The following UNC5A variants were observed in gnomAD, a reference collection of about 807,000 sequenced individuals.
The protein encoded by UNC5A is unc-5 netrin receptor A, also known as netrin receptor UNC5A.
UNC5A carries 20 observed loss-of-function variants against 87.4 expected under a neutral mutation model. The observed-to-expected ratio is 0.23, with a 90% CI of 0.16 to 0.33. The LOEUF is 0.33. Ranked by LOEUF, UNC5A falls within the 10% of genes least tolerant of loss-of-function variation. The pLI, the probability that UNC5A is intolerant of heterozygous loss-of-function variation, is 1.00. For synonymous variants in UNC5A, 438 were observed against 482.3 expected, an observed-to-expected ratio of 0.91 and a Z score of 1.20; for missense variants, 844 against 1,133.4, an observed-to-expected ratio of 0.74 and a Z score of 3.67.
chr5:176,834,702 T>TCG (rs1757109292), intron 1 of UNC5A, among the ~76,000 whole-genome samples: 1 of 147,856 alleles, frequency 6.8e-6, no homozygotes, highest in Non-Finnish European at 1.5e-5. Flanking sequence ...TCTCTCTCTC[T>TCG]CTGTCTCTCT....
chr5:176,811,972 G>A (rs1031273971), intron 1 of UNC5A, among the ~76,000 whole-genome samples: 10 of 152,094 alleles, frequency 6.6e-5, no homozygotes, highest in Non-Finnish European at 1.3e-4. Context: ...GCCGATGGCT[G>A]TTTCCTTAAA....
chr5:176,865,672 G>T lies in UNC5A; in HGVS notation c.293-2458G>T. On this transcript the variant is annotated intron_variant, in intron 2 of 14. Transcript: ENST00000329542. This position sits in a 1 kb window ranked among gnomAD's most constrained non-coding sequence, Gnocchi z 5.3. Reference sequence around the variant, plus strand: ...GCAGATACCACGGCAGTGGCGCCACGCCGCCAAAGACCAAAGACCCCAAAC... The same window carrying T: ...GCAGATACCACGGCAGTGGCGCCACTCCGCCAAAGACCAAAGACCCCAAAC... 2.2e-6 allele frequency: 1 copy of T among 456,654 alleles called. No individual in the cohort carries two copies. Among genetic ancestry groups the T allele is most frequent in the South Asian group, 1.5e-5 (1 of 64,574 alleles). The allele number at this position is 456,654 out of a possible 1,614,324, so 28.3% of individuals were successfully genotyped here. A position where few individuals can be genotyped will look rare whatever the true frequency, so the allele number is the denominator to read the frequency against.
At chr5:176,864,966 T>A (rs1224285161) in intron 2 of UNC5A, 5 of 386,000 alleles carry the variant, frequency 1.3e-5, no homozygotes, top group African/African-American at 2.1e-5. Context: ...TGGGAGGGTC[T>A]GCAGGAGAAC....
intron 1 of UNC5A, among the ~76,000 whole-genome samples, chr5:176,831,885 CTTT>C (rs10580672): frequency 1.4e-4 from 4 of 27,662 alleles, no homozygotes; most frequent in African/African-American, 2.4e-4. Flanking sequence ...TTCTCTCTCT[CTTT>C]TTTTTTTTTT....
chr5:176,821,943 G>A (rs182959808), intron 1 of UNC5A, among the ~76,000 whole-genome samples: 11 of 152,362 alleles, frequency 7.2e-5, no homozygotes, highest in Admixed American at 6.5e-4. Flanking sequence ...CTTCCCTCCT[G>A]GACTTTAGAC....
chr5:176,870,689 C>T, intron 6 of UNC5A, 155 bp downstream of exon 6: 1 of 867,894 alleles, frequency 1.2e-6, no homozygotes, highest in Non-Finnish European at 1.7e-6. Flanking sequence ...CTTAGCATAC[C>T]TGCACATGGG....
intron 1 of UNC5A, among the ~76,000 whole-genome samples, chr5:176,818,615 TGG>T (rs1756652760): frequency 6.6e-6 from 1 of 152,198 alleles, no homozygotes; most frequent in Admixed American, 6.5e-5. Context: ...GTGGCAGAGC[TGG>T]GACCTTATTG....
rs1209050300 is a variant in UNC5A at position 176,879,403 on chromosome 5, C to A, written c.2278C>A (p.Arg760=). 5 of 1,612,792 alleles carry A rather than the reference C, an allele frequency of 3.1e-6. No homozygotes were observed. In the African/African-American group the frequency reaches 6.7e-5, roughly 22 times the overall value. Residue 760 remains arginine (R), a synonymous_variant, in exon 14 of 15, where the codon CGG becomes AGG. Transcript: ENST00000329542. ...PSAFKIPFLI[R]QKIISSLDPP... ...TGCCTTCAAGATCCCCTTCCTCATTCGGCAGAAGATAATTTCCAGCCTGGA... is the reference window on the plus strand; with the variant it reads ...TGCCTTCAAGATCCCCTTCCTCATTAGGCAGAAGATAATTTCCAGCCTGGA...
In UNC5A at chr5:176,829,146, A is replaced by G. The variant is rs1231250151; in HGVS notation, c.70+18326A>G. 4.4e-5 allele frequency among the ~76,000 whole-genome samples: 5 copies of G among 113,970 alleles called. 1 individual carries two copies. The highest frequency in any genetic ancestry group is 2.4e-4 in the African/African-American group (5 of 21,032). 74.8% of individuals were successfully genotyped at this position (113,970 alleles called of 152,430 possible). ...GACTCCATCTCAAAAAAAAAAAAAA[A>G]AAGAAAGAAAGATGGATGGATGGAT... On this transcript the variant is annotated intron_variant, in intron 1 of 14. Coordinates refer to ENST00000329542, the MANE Select transcript of UNC5A (RefSeq NM_133369.3).
At chr5:176,835,751 G>A (rs397832300) in intron 1 of UNC5A, among the ~76,000 whole-genome samples, 1 of 145,512 alleles carries the variant, frequency 6.9e-6, no homozygotes, top group African/African-American at 2.7e-5. Flanking sequence ...GTGTGTGTGT[G>A]TGTGTGTGTG....
intron 1 of UNC5A, among the ~76,000 whole-genome samples, chr5:176,862,417 G>C (rs1389209813): frequency 6.6e-6 from 1 of 152,258 alleles, no homozygotes; most frequent in African/African-American, 2.4e-5. Context: ...GGCATGGGCT[G>C]CTCCTTCCCT....
intron 1 of UNC5A, among the ~76,000 whole-genome samples, chr5:176,842,112 G>T (rs1561650261): frequency 1.3e-5 from 2 of 152,236 alleles, no homozygotes; most frequent in African/African-American, 4.8e-5. Flanking sequence ...CAGGAGAATG[G>T]CGTGAACCCG....
In UNC5A at chr5:176,879,457, C is replaced by T. The variant is rs760813993; in HGVS notation, c.2332C>T (p.Arg778Trp). 67 of 1,610,542 alleles carry T rather than the reference C, an allele frequency of 4.2e-5. 1 individual carries two copies. In the South Asian group the frequency reaches 5.9e-4, roughly 14 times the overall value. ...DPPCRRGADW[R>W]TLAQKLHLDS... is the part of the protein sequence containing the mutation. Reference sequence around the variant, plus strand: ...ACCCTGTAGGCGGGGTGCCGACTGGCGGACTCTGGCCCAGAAACTCCACCT... The same window carrying T: ...ACCCTGTAGGCGGGGTGCCGACTGGTGGACTCTGGCCCAGAAACTCCACCT... Residue 778 changes from arginine to tryptophan, a missense_variant, in exon 14 of 15, where the codon CGG becomes TGG. Coordinates refer to ENST00000329542, the MANE Select transcript of UNC5A (RefSeq NM_133369.3).
rs138631874 is a variant in UNC5A at position 176,829,793 on chromosome 5, T to C, written c.70+18973T>C. 5.7e-4 allele frequency among the ~76,000 whole-genome samples: 87 copies of C among 151,754 alleles called. 2 individuals are homozygous for C. In the East Asian group the frequency reaches 0.016, roughly 28 times the overall value. Reference sequence around the variant, plus strand: ...CAGGCCACCTTGGGTGTGCCAGGCTTCTCTACACCTGGGAAGTACAAGTTC... The same window carrying C: ...CAGGCCACCTTGGGTGTGCCAGGCTCCTCTACACCTGGGAAGTACAAGTTC... On this transcript the variant is annotated intron_variant, in intron 1 of 14. Transcript: ENST00000329542.
In UNC5A at chr5:176,844,151, A is replaced by C. The variant is rs1170447802; in HGVS notation, c.71-18473A>C. ...TCAGCAAACGGGGCTTTTTGAATAA[A>C]AGCTGTGACTAAACTCAGGTCCATG... On this transcript the variant is annotated intron_variant, in intron 1 of 14. Transcript: ENST00000329542. The surrounding 1 kb of genome is among the most constrained non-coding windows in gnomAD (Gnocchi z 4.2). 1.3e-5 allele frequency among the ~76,000 whole-genome samples: 2 copies of C among 152,206 alleles called. No individual in the cohort carries two copies. The highest frequency in any genetic ancestry group is 3.8e-4 in the East Asian group (2 of 5,200).
In UNC5A at chr5:176,841,393, G is replaced by A. The variant is rs570975786; in HGVS notation, c.71-21231G>A. On this transcript the variant is annotated intron_variant, in intron 1 of 14. Transcript: ENST00000329542. The surrounding 1 kb of genome is among the most constrained non-coding windows in gnomAD (Gnocchi z 4.1). ...TGCACCCAGGGCTGAGCCTAGAAGA[G>A]CTGTGAGATGCAGCATAGCAGGGGA... 6.6e-6 allele frequency among the ~76,000 whole-genome samples: 1 copy of A among 152,340 alleles called. No homozygotes were observed. The highest frequency in any genetic ancestry group is 1.9e-4 in the East Asian group (1 of 5,190).
intron 1 of UNC5A, among the ~76,000 whole-genome samples, chr5:176,861,264 G>C (rs1297718836): frequency 6.6e-6 from 1 of 152,214 alleles, no homozygotes; most frequent in African/African-American, 2.4e-5. Flanking sequence ...CCTCACGCCT[G>C]TTTCATTTCA....
chr5:176,849,143 G>A (rs932512015), intron 1 of UNC5A, among the ~76,000 whole-genome samples: 2 of 152,216 alleles, frequency 1.3e-5, no homozygotes, highest in Non-Finnish European at 2.9e-5. Context: ...TGGTAAAGTC[G>A]GAAGAGGCCT....
intron 1 of UNC5A, among the ~76,000 whole-genome samples, chr5:176,859,091 AGCT>A (rs1757754068): frequency 2.0e-5 from 3 of 147,924 alleles, no homozygotes; most frequent in African/African-American, 7.7e-5. Flanking sequence ...TAGAGGGCAT[AGCT>A]GCTAGAATGT....
Sources: allele counts gnomAD v4.1 joint callset (sites outside exome capture counted in the v4.1 genomes callset), GRCh38; gene constraint gnomAD v4.1.1; non-coding constraint Gnocchi (gnomAD v3.1); transcripts MANE v1.5; gene names NCBI Gene and HGNC (gene_info 2026-07-23, HGNC 2026-07-21).